Variants in CDKAL1 observed in about 807,000 individuals in gnomAD.
The protein encoded by CDKAL1 is CDKAL1 threonylcarbamoyladenosine tRNA methylthiotransferase, also known as threonylcarbamoyladenosine tRNA methylthiotransferase.
In CDKAL1, 32 loss-of-function variants were observed where a neutral mutation model predicts 68.2. The observed-to-expected ratio is 0.47, with a 90% CI of 0.35 to 0.63. CDKAL1 has a LOEUF of 0.63. Ranked by LOEUF, CDKAL1 falls within the 30% of genes least tolerant of loss-of-function variation. CDKAL1 has a pLI of 0.00. For synonymous variants in CDKAL1, 234 were observed against 244.3 expected (o/e 0.96, Z 0.39); for missense variants, 606 against 696.7 (o/e 0.87, Z 1.47).
chr6:20,695,066 C>T (rs1403447018), intron 5 of CDKAL1, among the ~76,000 whole-genome samples: 1 of 152,122 alleles, frequency 6.6e-6, no homozygotes, highest in African/African-American at 2.4e-5. Flanking sequence ...TTCAACTATT[C>T]CTTTATAGTG....
chr6:20,753,959 G>GTA (rs1774051805), intron 6 of CDKAL1, among the ~76,000 whole-genome samples: 1 of 37,582 alleles, frequency 2.7e-5, no homozygotes, highest in African/African-American at 1.0e-4. Flanking sequence ...TTATCTGTAT[G>GTA]TGTGTGTGTG....
intron 6 of CDKAL1, among the ~76,000 whole-genome samples, chr6:20,757,570 A>C (rs1316020047): frequency 4.1e-5 from 6 of 146,702 alleles, no homozygotes; most frequent in East Asian, 2.0e-4. Flanking sequence ...ACACACACAC[A>C]CCCTCTATCA....
chr6:20,765,569 G>A (rs1228763149), intron 7 of CDKAL1, among the ~76,000 whole-genome samples: 1 of 152,008 alleles, frequency 6.6e-6, no homozygotes, highest in Admixed American at 6.5e-5. Flanking sequence ...TTTGTATTCT[G>A]TACATCTACA....
At chr6:21,109,511 C>T (rs902471145) in intron 13 of CDKAL1, among the ~76,000 whole-genome samples, 2 of 152,132 alleles carry the variant, frequency 1.3e-5, no homozygotes, top group South Asian at 2.1e-4. Flanking sequence ...GACTTAAGCA[C>T]CAAAAACTCG....
In CDKAL1 at chr6:21,227,798, C is replaced by T. The variant is rs1244724616; in HGVS notation, c.1549-3050C>T. On this transcript the variant is annotated intron_variant, in intron 15 of 15. Transcript: ENST00000274695. The stretch of plus-strand genomic sequence containing the variant: ...AAACTTAACATGACCACAAATAATC[C>T]TCTCCGGTAGTTCAGTAGGTAACTT... 2.0e-5 allele frequency among the ~76,000 whole-genome samples: 3 copies of T among 152,206 alleles called. No individual in the cohort carries two copies. The East Asian group carries it at 5.8e-4, about 29-fold the overall frequency.
chr6:20,777,758 A>G (rs911865359), intron 7 of CDKAL1, among the ~76,000 whole-genome samples: 1 of 152,256 alleles, frequency 6.6e-6, no homozygotes, highest in Non-Finnish European at 1.5e-5. Context: ...TATGGAGAGT[A>G]CCAAACCCTG....
intron 10 of CDKAL1, among the ~76,000 whole-genome samples, chr6:20,957,516 T>G (rs982388855): frequency 2.1e-4 from 32 of 152,172 alleles, no homozygotes; most frequent in African/African-American, 7.5e-4. Context: ...ATAACAAGTT[T>G]TGATGGTCAT....
intron 9 of CDKAL1, among the ~76,000 whole-genome samples, chr6:20,921,187 T>C (rs2150649755): frequency 6.6e-6 from 1 of 152,244 alleles, no homozygotes; most frequent in Admixed American, 6.5e-5. Context: ...TCTCAGCACT[T>C]TGGGAGGCCG....
intron 11 of CDKAL1, among the ~76,000 whole-genome samples, chr6:21,046,648 C>T (rs1300882647): frequency 6.6e-6 from 1 of 152,326 alleles, no homozygotes; most frequent in East Asian, 1.9e-4. Context: ...ATCCAAGAGG[C>T]AGTGTCATAA....
chr6:20,554,032 C>A (rs1187377433), intron 4 of CDKAL1, among the ~76,000 whole-genome samples: 1 of 151,860 alleles, frequency 6.6e-6, no homozygotes, highest in African/African-American at 2.4e-5. Flanking sequence ...GTTGGCCAGA[C>A]TGGTCTAACT....
intron 10 of CDKAL1, among the ~76,000 whole-genome samples, chr6:20,987,156 G>A (rs1414175167): frequency 6.6e-6 from 1 of 152,090 alleles, no homozygotes; most frequent in African/African-American, 2.4e-5. Flanking sequence ...TGGAAATCAA[G>A]ATGCCTTAAG....
chr6:20,558,038 A>C (rs1019277277), intron 4 of CDKAL1, among the ~76,000 whole-genome samples: 1 of 152,220 alleles, frequency 6.6e-6, no homozygotes, highest in African/African-American at 2.4e-5. Context: ...GGTTATTTGC[A>C]TGAACTGAGA....
intron 1 of CDKAL1, 86 bp downstream of exon 1, chr6:20,534,660 T>C (rs985633366): frequency 6.6e-6 from 1 of 152,492 alleles, no homozygotes; most frequent in Non-Finnish European, 1.5e-5. Context: ...GTTTCAGTTT[T>C]TCTTGGGCTG....
intron 8 of CDKAL1, among the ~76,000 whole-genome samples, chr6:20,791,219 T>C (rs912831901): frequency 6.6e-6 from 1 of 152,204 alleles, no homozygotes; most frequent in African/African-American, 2.4e-5. Context: ...GTGATGATGA[T>C]AATAATAGTG....
In CDKAL1 at chr6:20,770,086, CT is replaced by C. The variant is rs555890650; in HGVS notation, c.518-11051del. Among the ~76,000 whole-genome samples, 768 of 151,646 alleles carry C rather than the reference CT, an allele frequency of 5.1e-3. 9 individuals are homozygous for C. Among genetic ancestry groups the C allele is most frequent in the African/African-American group, 0.017 (707 of 41,368 alleles). ...TTGTTTCCTCTTTAATCTTTTTAAA[CT>C]TTTTTTTCTCTTTTATTTGCTGTTT... On this transcript the variant is annotated intron_variant, in intron 7 of 15. Transcript: ENST00000274695.
In CDKAL1 at chr6:20,606,042, T is replaced by G. The variant is rs531805621; in HGVS notation, c.287-43251T>G. Among the ~76,000 whole-genome samples, 6 of 152,322 alleles carry G rather than the reference T, an allele frequency of 3.9e-5. No individual in the cohort carries two copies. In the South Asian group the frequency reaches 1.0e-3, roughly 26 times the overall value. On this transcript the variant is annotated intron_variant, in intron 4 of 15. Transcript: ENST00000274695. ...CCAAGTCTGGAAACTGACAAAGCAG[T>G]AAGCTGGGGCAATTGTAGGGCCCAC...
Position 20,861,739 on chromosome 6 carries a change from G to C in CDKAL1, c.742+15561G>C, listed in dbSNP as rs76787770. 0.011 allele frequency among the ~76,000 whole-genome samples: 1,696 copies of C among 152,300 alleles called. 86 individuals carry two copies. The East Asian group carries it at 0.18, about 16-fold the overall frequency. ...GAGGTTTGATAAGCACTTGTGTGCT[G>C]GGGCTTGTTCTTGTGGGATGTTGCT... On this transcript the variant is annotated intron_variant, in intron 9 of 15. Coordinates refer to ENST00000274695, the MANE Select transcript of CDKAL1 (RefSeq NM_017774.3).
chr6:20,962,537 GC>G (rs1462641542), intron 10 of CDKAL1, among the ~76,000 whole-genome samples: 4 of 152,070 alleles, frequency 2.6e-5, no homozygotes, highest in African/African-American at 9.7e-5. Flanking sequence ...GTTTGCCTTT[GC>G]CGAGTTTTAA....
chr6:21,155,043 G>A (rs926392841), intron 13 of CDKAL1, among the ~76,000 whole-genome samples: 5 of 148,758 alleles, frequency 3.4e-5, no homozygotes. Context: ...GAATGTAATT[G>A]CTGTCTATTT....
Sources: gnomAD v4.1 joint callset for allele counts (sites outside exome capture counted in the v4.1 genomes callset) on GRCh38, gnomAD v4.1.1 for gene constraint, MANE v1.5 for transcripts, NCBI Gene and HGNC (gene_info 2026-07-23, HGNC 2026-07-21) for gene names.